Variants in LINGO2 observed in about 807,000 individuals in gnomAD.
LINGO2 encodes leucine-rich repeat and immunoglobulin-like domain-containing nogo receptor-interacting protein 2.
In LINGO2, 14 loss-of-function variants were observed where a neutral mutation model predicts 30.6. The ratio of observed to expected loss-of-function variants is 0.46; its 90% CI spans 0.30 to 0.72. LINGO2 has a LOEUF of 0.72. Ranked by LOEUF, LINGO2 falls within the 30% of genes least tolerant of loss-of-function variation. The probability of loss-of-function intolerance (pLI) is 0.07; values close to 1 mark genes in which losing one functional copy is unlikely to be tolerated. For missense variants in LINGO2, 729 were observed against 751.7 expected, an observed-to-expected ratio of 0.97 and a Z score of 0.35; for synonymous variants, 317 against 288.5, an observed-to-expected ratio of 1.10 and a Z score of -1.00.
chr9:28,489,135 A>G (rs781588322), intron 1 of LINGO2, among the ~76,000 whole-genome samples: 36 of 152,212 alleles, frequency 2.4e-4, no homozygotes, highest in South Asian at 4.1e-4. Flanking sequence ...TCTGGCATAA[A>G]TTGTCAGTTT....
chr9:29,112,897 T>G, the LINGO2 span, among the ~76,000 whole-genome samples: 41 of 152,300 alleles, frequency 2.7e-4, no homozygotes, highest in African/African-American at 9.6e-4. Context: ...CCACTTAATA[T>G]TCACAGAAAG....
intron 2 of LINGO2, among the ~76,000 whole-genome samples, chr9:28,413,906 AATATAAGCAGT>A (rs1427808131): frequency 1.3e-5 from 2 of 152,030 alleles, no homozygotes; most frequent in Non-Finnish European, 2.9e-5. Flanking sequence ...AGGCTGTAAA[AATATAAGCAGT>A]ATTAATATTA....
At chr9:28,299,885 A>G (rs2134202947) in intron 3 of LINGO2, among the ~76,000 whole-genome samples, 1 of 152,204 alleles carries the variant, frequency 6.6e-6, no homozygotes, top group East Asian at 1.9e-4. Context: ...TAAACCCATG[A>G]TACTCCTGTC....
At chr9:28,739,855 T>G in the LINGO2 span, among the ~76,000 whole-genome samples, 1 of 151,146 alleles carries the variant, frequency 6.6e-6, no homozygotes, top group Non-Finnish European at 1.5e-5. Flanking sequence ...TTTGAAGATA[T>G]TTGGGCCTAT....
At chr9:28,524,526 C>T (rs189769897) in intron 1 of LINGO2, among the ~76,000 whole-genome samples, 7 of 152,018 alleles carry the variant, frequency 4.6e-5, no homozygotes, top group South Asian at 2.1e-4. Context: ...AGGCTGAGGC[C>T]GGGGGATCAC....
At chr9:28,816,094 T>C in the LINGO2 span, among the ~76,000 whole-genome samples, 1 of 152,180 alleles carries the variant, frequency 6.6e-6, no homozygotes, top group South Asian at 2.1e-4. Context: ...CAGCCTTTTA[T>C]GAGGAATCCG....
At chr9:29,189,456 G>A in the LINGO2 span, among the ~76,000 whole-genome samples, 14 of 151,770 alleles carry the variant, frequency 9.2e-5, no homozygotes, top group African/African-American at 2.9e-4. Flanking sequence ...CCCAGACGGG[G>A]TCGCGCCGGG....
In LINGO2 at chr9:28,233,539, G is replaced by A. The variant is rs137892096; in HGVS notation, c.-87+61669C>T. On this transcript the variant is annotated intron_variant, in intron 4 of 5. Coordinates refer to ENST00000379992, the Ensembl canonical transcript of LINGO2. ...AAGGAAAAATAAAATTATATTTATC[G>A]TTATAGAATAGTGTTATAAGTGTGA... Among the ~76,000 whole-genome samples, 562 of 152,136 alleles carry A rather than the reference G, an allele frequency of 3.7e-3. 5 individuals are homozygous for A. The highest frequency in any genetic ancestry group is 0.013 in the African/African-American group (522 of 41,506).
the LINGO2 span, among the ~76,000 whole-genome samples, chr9:28,911,043 C>T: frequency 2.0e-5 from 3 of 151,876 alleles, no homozygotes; most frequent in African/African-American, 7.3e-5. Context: ...CTGCTTCCAA[C>T]CACTTAGCCA....
At chr9:27,966,586 G>A (rs1010624788) in intron 5 of LINGO2, among the ~76,000 whole-genome samples, 66 of 152,100 alleles carry the variant, frequency 4.3e-4, no homozygotes, top group African/African-American at 1.5e-3. Flanking sequence ...GTGAGGAAGC[G>A]GGAAGGAGAG....
chr9:28,007,891 C>T (rs533560978), intron 5 of LINGO2, among the ~76,000 whole-genome samples: 1 of 152,232 alleles, frequency 6.6e-6, no homozygotes, highest in East Asian at 1.9e-4. Context: ...TTCCATTTTA[C>T]CACGGTGTCA....
chr9:28,753,145 G>C, the LINGO2 span, among the ~76,000 whole-genome samples: 2 of 152,062 alleles, frequency 1.3e-5, no homozygotes, highest in Non-Finnish European at 1.5e-5. Flanking sequence ...TTTGGAAGGA[G>C]TGTAGGAAAA....
chr9:28,470,246 G>C (rs191805998), intron 2 of LINGO2, among the ~76,000 whole-genome samples: 187 of 152,176 alleles, frequency 1.2e-3, no homozygotes, highest in Admixed American at 6.5e-3. Context: ...TTGTAAATTT[G>C]TTGTCATATA....
chr9:28,023,542 A>G (rs1823236414), intron 4 of LINGO2, among the ~76,000 whole-genome samples: 2 of 152,168 alleles, frequency 1.3e-5, no homozygotes, highest in Non-Finnish European at 2.9e-5. Flanking sequence ...TCAGTCTTTC[A>G]GTGGGCTTGC....
intron 4 of LINGO2, among the ~76,000 whole-genome samples, chr9:28,174,226 A>G (rs574861026): frequency 2.2e-3 from 338 of 152,364 alleles, no homozygotes; most frequent in Non-Finnish European, 3.9e-3. Context: ...GAATCCACTC[A>G]GAATTATAAG....
chr9:28,933,701 C>A, the LINGO2 span, among the ~76,000 whole-genome samples: 1 of 152,176 alleles, frequency 6.6e-6, no homozygotes, highest in Non-Finnish European at 1.5e-5. Flanking sequence ...GCAAAACCCA[C>A]AAATTTGCCC....
At chr9:28,359,120 C>T (rs572364331) in intron 3 of LINGO2, among the ~76,000 whole-genome samples, 1 of 152,090 alleles carries the variant, frequency 6.6e-6, no homozygotes, top group African/African-American at 2.4e-5. Flanking sequence ...ACAAAAGAAT[C>T]GACTGCAAAG....
intron 2 of LINGO2, among the ~76,000 whole-genome samples, chr9:28,458,706 C>T (rs1281092119): frequency 6.6e-6 from 1 of 152,024 alleles, no homozygotes; most frequent in East Asian, 1.9e-4. Flanking sequence ...CTGACAGGCT[C>T]ACCTAACTTT....
intron 4 of LINGO2, among the ~76,000 whole-genome samples, chr9:28,174,898 CTG>C (rs66472807): frequency 1.6e-3 from 232 of 141,034 alleles, no homozygotes; most frequent in African/African-American, 4.5e-3. Context: ...ATTTGTGTCT[CTG>C]TGTGTGTGTG....
Sources: gnomAD v4.1 joint callset for allele counts (sites outside exome capture counted in the v4.1 genomes callset) on GRCh38, gnomAD v4.1.1 for gene constraint, MANE v1.5 for transcripts, NCBI Gene and HGNC (gene_info 2026-07-23, HGNC 2026-07-21) for gene names.